Variants in ACTR3C observed in about 807,000 individuals in gnomAD.
ACTR3C encodes the protein actin related protein 3C.
ACTR3C carries 18 observed loss-of-function variants against 26.3 expected under a neutral mutation model. That is an observed-to-expected ratio of 0.68 (90% CI 0.47 to 1.01). The LOEUF is 1.01. ACTR3C is among the 50% of genes least tolerant of loss of function. The probability of loss-of-function intolerance (pLI) is 0.00; values close to 1 mark genes in which losing one functional copy is unlikely to be tolerated. For synonymous variants in ACTR3C, 55 were observed against 94.5 expected (o/e 0.58, Z 2.42); for missense variants, 184 against 250.7 (o/e 0.73, Z 1.80).
chr7:150,239,257 A>G (rs201080402), downstream of ACTR3C, among the ~76,000 whole-genome samples: 13,671 of 146,138 alleles, frequency 0.094, 1,084 homozygotes, highest in African/African-American at 0.21. Context: ...TGAAACTCAG[A>G]TGCGTTCTCA....
the ACTR3C span, among the ~76,000 whole-genome samples, chr7:149,973,360 C>T: frequency 6.6e-6 from 1 of 152,136 alleles, no homozygotes; most frequent in Admixed American, 6.5e-5. Context: ...GATCATGTAT[C>T]CTGGTTTATG....
At chr7:150,254,139 G>T (rs1833041805) in intron 6 of ACTR3C, among the ~76,000 whole-genome samples, 1 of 152,174 alleles carries the variant, frequency 6.6e-6, no homozygotes, top group African/African-American at 2.4e-5. Context: ...TATACATGTT[G>T]GGTGCTGAGT....
chr7:150,096,331 G>T, the ACTR3C span, among the ~76,000 whole-genome samples: 1 of 151,180 alleles, frequency 6.6e-6, no homozygotes, highest in Non-Finnish European at 1.5e-5. Flanking sequence ...GACACGAAGT[G>T]ATTACTCAGT....
chr7:149,892,987 G>C, the ACTR3C span, among the ~76,000 whole-genome samples: 2 of 151,696 alleles, frequency 1.3e-5, no homozygotes, highest in Admixed American at 6.6e-5. Context: ...AAATATTAAT[G>C]GCTTTATAAT....
the ACTR3C span, among the ~76,000 whole-genome samples, chr7:150,194,151 G>A: frequency 6.7e-6 from 1 of 149,016 alleles, no homozygotes; most frequent in African/African-American, 2.4e-5. Flanking sequence ...CGCATACATA[G>A]TATTGTTACA....
At chr7:149,894,147 A>G in the ACTR3C span, among the ~76,000 whole-genome samples, 1 of 152,370 alleles carries the variant, frequency 6.6e-6, no homozygotes, top group East Asian at 1.9e-4. Context: ...AACTGATTTT[A>G]CACAACGGGC....
chr7:150,235,872 C>T, the ACTR3C span, among the ~76,000 whole-genome samples: 1 of 152,076 alleles, frequency 6.6e-6, no homozygotes, highest in Non-Finnish European at 1.5e-5. Context: ...ATTTCGGTGA[C>T]AATTTCATGT....
At chr7:150,277,986 T>C (rs1478539463) in intron 6 of ACTR3C, among the ~76,000 whole-genome samples, 3 of 152,158 alleles carry the variant, frequency 2.0e-5, no homozygotes, top group Admixed American at 6.5e-5. Context: ...TATGCCTGTC[T>C]TTCCTCGGAG....
chr7:150,322,668 A>C (rs1278725323), intron 1 of ACTR3C: 2 of 152,278 alleles, frequency 1.3e-5, no homozygotes, highest in Non-Finnish European at 2.9e-5. Context: ...GGTAACCAGT[A>C]GCCCTGGAGC....
chr7:150,046,355 C>CA, the ACTR3C span, among the ~76,000 whole-genome samples: 6 of 71,792 alleles, frequency 8.4e-5, 1 homozygote, highest in East Asian at 5.2e-4. Flanking sequence ...CCGCCCCCCC[C>CA]CCCCCGACCC....
chr7:150,065,885 A>G, the ACTR3C span, among the ~76,000 whole-genome samples: 4 of 150,582 alleles, frequency 2.7e-5, no homozygotes, highest in Non-Finnish European at 5.9e-5. Flanking sequence ...GCTTTGAGTG[A>G]GTCAGTGATA....
At chr7:150,174,397 AAG>A in the ACTR3C span, among the ~76,000 whole-genome samples, 2 of 139,000 alleles carry the variant, frequency 1.4e-5, no homozygotes, top group Non-Finnish European at 1.5e-5. Flanking sequence ...TAGCATGGGA[AAG>A]ACTGGCCCCC....
At chr7:149,923,181 G>A in the ACTR3C span, among the ~76,000 whole-genome samples, 143,411 of 150,546 alleles carry the variant, frequency 0.95, 68,613 homozygotes, top group East Asian at 1. Context: ...ATAAAATAAA[G>A]TGGACTACAT....
chr7:150,176,438 A>C, the ACTR3C span, among the ~76,000 whole-genome samples: 1 of 150,802 alleles, frequency 6.6e-6, no homozygotes, highest in South Asian at 2.1e-4. Context: ...CCTCTAATTA[A>C]CTGATTACAG....
At chr7:150,004,569 G>A in the ACTR3C span, 2 of 152,040 alleles carry the variant, frequency 1.3e-5, no homozygotes, top group African/African-American at 2.4e-5. Flanking sequence ...CGAAAAAATC[G>A]CCCCACAATT....
In ACTR3C at chr7:150,274,228, C is replaced by T. The variant is rs140534336; in HGVS notation, c.564+10525G>A. 3.4e-4 allele frequency among the ~76,000 whole-genome samples: 52 copies of T among 152,270 alleles called. No individual in the cohort carries two copies. In the East Asian group the frequency reaches 8.7e-3, roughly 25 times the overall value. ...CTAGAAGATGGCATTTATTGCACTT[C>T]GCCCATAATGTGTTTGTTACCAACT... On this transcript the variant is annotated intron_variant, in intron 6 of 7. Coordinates refer to ENST00000683684, the MANE Select transcript of ACTR3C (RefSeq NM_001164458.2). The surrounding 1 kb of genome is among the most constrained non-coding windows in gnomAD (Gnocchi z 4.1).
the ACTR3C span, among the ~76,000 whole-genome samples, chr7:150,229,776 G>A: frequency 7.1e-3 from 1,074 of 151,170 alleles, 6 homozygotes; most frequent in Non-Finnish European, 0.012. Context: ...GATAACAGGC[G>A]TGAGCCACTA....
the ACTR3C span, among the ~76,000 whole-genome samples, chr7:150,096,275 C>G: frequency 6.6e-6 from 1 of 150,670 alleles, no homozygotes; most frequent in Non-Finnish European, 1.5e-5. Context: ...ACCAAAATGT[C>G]TATCTCAATT....
At chr7:150,179,278 G>A in the ACTR3C span, among the ~76,000 whole-genome samples, 4 of 143,668 alleles carry the variant, frequency 2.8e-5, 1 homozygote, top group African/African-American at 1.2e-4. Context: ...TAGCCAGTCT[G>A]ATGAGGACCA....
Sources: gnomAD v4.1 joint callset for allele counts (sites outside exome capture counted in the v4.1 genomes callset) on GRCh38, gnomAD v4.1.1 for gene constraint, Gnocchi (gnomAD v3.1) non-coding constraint, MANE v1.5 for transcripts, NCBI Gene and HGNC (gene_info 2026-07-23, HGNC 2026-07-21) for gene names.